The following ZFYVE9 variants were observed in gnomAD, a reference collection of about 807,000 sequenced individuals.
ZFYVE9 encodes zinc finger FYVE domain-containing protein 9.
ZFYVE9 carries 43 observed loss-of-function variants against 126.7 expected under a neutral mutation model. The ratio of observed to expected loss-of-function variants is 0.34; its 90% CI spans 0.27 to 0.44. ZFYVE9 has a LOEUF of 0.44. Among genes scored for constraint, ZFYVE9 ranks in the 20% least tolerant of loss-of-function variants. The pLI, the probability that ZFYVE9 is intolerant of heterozygous loss-of-function variation, is 1.00. For synonymous variants in ZFYVE9, 521 were observed against 597.4 expected (o/e 0.87, Z 1.87); for missense variants, 1,476 against 1,697.0 (o/e 0.87, Z 2.29).
rs748828816 is a variant in ZFYVE9, at chr1:52,239,605, A to G, written c.2178+10A>G. The stretch of plus-strand genomic sequence containing the variant: ...CAGAGCATGTGGGAAGGTAAGTTGC[A>G]TGTATACACTCAGAAATCGGGCATG... On this transcript the variant is annotated intron_variant, in intron 4 of 18. Transcript: ENST00000287727. 2 of 1,601,256 alleles carry G rather than the reference A, an allele frequency of 1.2e-6. No homozygotes were observed. Among genetic ancestry groups the G allele is most frequent in the Non-Finnish European group, 8.5e-7 (1 of 1,171,770 alleles).
chr1:52,190,600 G>A (rs1354945525), intron 1 of ZFYVE9, among the ~76,000 whole-genome samples: 1 of 152,140 alleles, frequency 6.6e-6, no homozygotes, highest in Non-Finnish European at 1.5e-5. Flanking sequence ...ATAGTAGATT[G>A]TCATGTCTGG....
At chr1:52,345,194 T>C (rs576531928) in intron 18 of ZFYVE9, among the ~76,000 whole-genome samples, 3 of 152,260 alleles carry the variant, frequency 2.0e-5, no homozygotes, top group Non-Finnish European at 2.9e-5. Flanking sequence ...CTTCTTAGTG[T>C]GGGGTAAAGA....
At chr1:52,339,946 G>A (rs1319477478) in intron 16 of ZFYVE9, among the ~76,000 whole-genome samples, 180 bp from the exon 17 acceptor site, 2 of 152,144 alleles carry the variant, frequency 1.3e-5, no homozygotes, top group Admixed American at 6.6e-5. Flanking sequence ...TCTTTCCCAA[G>A]AGCTCAGTTC....
intron 17 of ZFYVE9, among the ~76,000 whole-genome samples, chr1:52,343,221 C>G (rs975093566): frequency 2.6e-5 from 4 of 151,744 alleles, no homozygotes; most frequent in Admixed American, 2.6e-4. Flanking sequence ...CGTGCCCGGC[C>G]GAGACAAATT....
chr1:52,313,469 T>C (rs182739116), intron 13 of ZFYVE9, among the ~76,000 whole-genome samples: 1 of 152,280 alleles, frequency 6.6e-6, no homozygotes, highest in African/African-American at 2.4e-5. Flanking sequence ...CAGGACCGAT[T>C]GCCAGAAGTG....
intron 6 of ZFYVE9, 25 bp downstream of exon 6, chr1:52,266,856 C>A: frequency 6.5e-7 from 1 of 1,528,626 alleles, no homozygotes; most frequent in South Asian, 1.3e-5. Flanking sequence ...GCTATTCTCT[C>A]TCTTTTTCCT....
rs1489148215 is a variant in ZFYVE9, at chr1:52,268,271, ATATATT to A, written c.2456-189_2456-184del. Reference sequence around the variant, plus strand: ...TGCATATAAGTTAAACAAGTAAAGAATATATTTAAATTTGTATTTTTAATTCATTTA... The same window carrying A: ...TGCATATAAGTTAAACAAGTAAAGAATAAATTTGTATTTTTAATTCATTTA... On this transcript the variant is annotated intron_variant, in intron 6 of 18. Transcript: ENST00000287727. Among the ~76,000 whole-genome samples, 9 of 152,234 alleles carry A rather than the reference ATATATT, an allele frequency of 5.9e-5. No individual in the cohort carries two copies. In the East Asian group the frequency reaches 1.5e-3, roughly 26 times the overall value.
intron 13 of ZFYVE9, among the ~76,000 whole-genome samples, chr1:52,320,465 CAT>C (rs1646229095): frequency 6.6e-6 from 1 of 152,184 alleles, no homozygotes; most frequent in African/African-American, 2.4e-5. Flanking sequence ...AGAGTCAAAA[CAT>C]AGATGCTTAC....
intron 6 of ZFYVE9, among the ~76,000 whole-genome samples, chr1:52,267,235 A>G (rs1426774593): frequency 6.6e-6 from 1 of 152,118 alleles, no homozygotes; most frequent in Non-Finnish European, 1.5e-5. Flanking sequence ...CCATTCAAGT[A>G]TTGCTTTTTG....
At chr1:52,249,725 T>C (rs879826768) in intron 4 of ZFYVE9, among the ~76,000 whole-genome samples, 20 of 152,232 alleles carry the variant, frequency 1.3e-4, no homozygotes, top group Non-Finnish European at 2.4e-4. Context: ...CTTTCCCTTA[T>C]GTTGTCTTCT....
At chr1:52,326,647 A>C (rs1480005437) in intron 13 of ZFYVE9, among the ~76,000 whole-genome samples, 3 of 148,722 alleles carry the variant, frequency 2.0e-5, no homozygotes, top group Non-Finnish European at 4.5e-5. Context: ...TCAGGAGTTC[A>C]AGACCAGCTT....
chr1:52,178,808 A>G (rs1487120272), intron 1 of ZFYVE9, among the ~76,000 whole-genome samples: 2 of 151,832 alleles, frequency 1.3e-5, no homozygotes, highest in Non-Finnish European at 2.9e-5. Context: ...GATTCAAGAG[A>G]TAATTACTTA....
intron 1 of ZFYVE9, chr1:52,180,547 G>T: frequency 1.5e-6 from 1 of 676,180 alleles, no homozygotes. Flanking sequence ...GATTCTGAGG[G>T]TGACTGAGGC....
intron 13 of ZFYVE9, among the ~76,000 whole-genome samples, chr1:52,324,837 A>G (rs1646275660): frequency 6.6e-6 from 1 of 152,194 alleles, no homozygotes; most frequent in African/African-American, 2.4e-5. Context: ...CTGAATCACT[A>G]AAACTTATTT....
At chr1:52,250,923 G>C (rs949434772) in intron 4 of ZFYVE9, among the ~76,000 whole-genome samples, 8 of 151,974 alleles carry the variant, frequency 5.3e-5, no homozygotes, top group African/African-American at 1.7e-4. Flanking sequence ...TGTTGCCCAG[G>C]CTGGTTCTGA....
intron 1 of ZFYVE9, among the ~76,000 whole-genome samples, chr1:52,174,774 CTT>C (rs1193553441): frequency 6.6e-6 from 1 of 152,062 alleles, no homozygotes; most frequent in Admixed American, 6.5e-5. Context: ...TTCTTTGTCT[CTT>C]TTGATCTTTG....
intron 13 of ZFYVE9, among the ~76,000 whole-genome samples, chr1:52,311,410 G>A (rs11805114): frequency 0.047 from 7,182 of 151,716 alleles, 570 homozygotes; most frequent in African/African-American, 0.16. Context: ...GATTACAAGC[G>A]TGCACCACCA....
At chr1:52,171,841 G>C (rs574850184) in intron 1 of ZFYVE9, among the ~76,000 whole-genome samples, 216 of 152,206 alleles carry the variant, frequency 1.4e-3, no homozygotes, top group African/African-American at 5.1e-3. Flanking sequence ...GCTTTTTGAT[G>C]GGGTTGTTTG....
intron 12 of ZFYVE9, among the ~76,000 whole-genome samples, chr1:52,298,174 TTTGCTTTTA>T (rs1645996701): frequency 1.3e-5 from 2 of 152,218 alleles, no homozygotes; most frequent in Non-Finnish European, 2.9e-5. Context: ...TTTGTCTATT[TTTGCTTTTA>T]TTGCCTGTGC....
Sources: gnomAD v4.1 joint callset for allele counts (sites outside exome capture counted in the v4.1 genomes callset) on GRCh38, gnomAD v4.1.1 for gene constraint, MANE v1.5 for transcripts, NCBI Gene and HGNC (gene_info 2026-07-23, HGNC 2026-07-21) for gene names.